HDAC9: variants seen among roughly 807,000 people sequenced by gnomAD.
The protein encoded by HDAC9 is histone deacetylase 9.
In HDAC9, 41 loss-of-function variants were observed where a neutral mutation model predicts 139.4. That is an observed-to-expected ratio of 0.29 (90% confidence interval 0.23 to 0.38). The LOEUF is 0.38. Ranked by LOEUF, HDAC9 falls within the 10% of genes least tolerant of loss-of-function variation. The pLI is 1.00. For missense variants in HDAC9, 1,147 were observed against 1,297.0 expected, an observed-to-expected ratio of 0.88 and a Z score of 1.78; for synonymous variants, 517 against 476.2, an observed-to-expected ratio of 1.09 and a Z score of -1.12.
intron 1 of HDAC9, among the ~76,000 whole-genome samples, chr7:18,476,556 C>T (rs1795125204): frequency 6.6e-6 from 1 of 151,698 alleles, no homozygotes; most frequent in East Asian, 1.9e-4. Context: ...ACCCCAAACC[C>T]AACATGACGT....
In HDAC9 at chr7:18,658,093, G is replaced by A. The variant is rs547198287; in HGVS notation, c.1468-8120G>A. Among the ~76,000 whole-genome samples the A allele has an allele frequency of 2.0e-5, 3 of 152,208 alleles. No individual in the cohort carries two copies. In the South Asian group the frequency reaches 6.2e-4, roughly 32 times the overall value. ...TCAGCTCAAACCTTACCTGTTGAGA[G>A]GGGTCTTTATTGCCCATCCAAACAA... On this transcript the variant is annotated intron_variant, in intron 11 of 25. Coordinates refer to ENST00000686413, the MANE Select transcript of HDAC9 (RefSeq NM_178425.4).
chr7:18,357,874 T>C (rs1783447282), intron 1 of HDAC9, among the ~76,000 whole-genome samples: 1 of 152,156 alleles, frequency 6.6e-6, no homozygotes, highest in Non-Finnish European at 1.5e-5. Context: ...GACTGAAAGA[T>C]CTTTGTGAGG....
chr7:18,196,243 G>C, intron 2 of HDAC9, among the ~76,000 whole-genome samples: 1 of 152,184 alleles, frequency 6.6e-6, no homozygotes, highest in Admixed American at 6.5e-5. Flanking sequence ...ACATGAGAAA[G>C]AGGGATGTAC....
At position 18,641,618 on chromosome 7, in the gene HDAC9, C is replaced by T. The variant is rs185227386; in HGVS notation, c.913-3053C>T. Among the ~76,000 whole-genome samples the T allele has an allele frequency of 8.7e-4, 132 of 152,126 alleles. 1 individual carries two copies. The highest frequency in any genetic ancestry group is 1.5e-3 in the Non-Finnish European group (104 of 67,962). Reference sequence around the variant, plus strand: ...TTCTGAAAAATTTTCAGATTAAAACCGTCATTTCCATGTTCTAAACTGCAA... The same window carrying T: ...TTCTGAAAAATTTTCAGATTAAAACTGTCATTTCCATGTTCTAAACTGCAA... On this transcript the variant is annotated intron_variant, in intron 8 of 25. Coordinates refer to ENST00000686413, the MANE Select transcript of HDAC9 (RefSeq NM_178425.4).
At chr7:18,803,195 A>C (rs1793441081) in intron 17 of HDAC9, among the ~76,000 whole-genome samples, 1 of 152,012 alleles carries the variant, frequency 6.6e-6, no homozygotes, top group African/African-American at 2.4e-5. Context: ...CTTATAACAC[A>C]TCCTAAACTT....
intron 22 of HDAC9, among the ~76,000 whole-genome samples, chr7:18,898,626 G>A (rs1347266321): frequency 6.6e-6 from 1 of 151,860 alleles, no homozygotes; most frequent in Non-Finnish European, 1.5e-5. Context: ...CTCAGAGAAA[G>A]GGTGTTTACT....
intron 6 of HDAC9, among the ~76,000 whole-genome samples, chr7:18,598,035 T>C (rs1201822949): frequency 1.3e-5 from 2 of 152,206 alleles, no homozygotes; most frequent in African/African-American, 2.4e-5. Flanking sequence ...CCTTTTGGTA[T>C]AGCAGTCAGC....
chr7:18,605,277 C>A (rs1263428408), intron 6 of HDAC9, among the ~76,000 whole-genome samples: 1 of 152,156 alleles, frequency 6.6e-6, no homozygotes, highest in South Asian at 2.1e-4. Flanking sequence ...TGTTCTATAA[C>A]CTTACAACTA....
intron 1 of HDAC9, among the ~76,000 whole-genome samples, chr7:18,115,529 T>C (rs922900419): frequency 1.3e-5 from 2 of 152,242 alleles, no homozygotes; most frequent in Non-Finnish European, 2.9e-5. Context: ...ATGTAGTAGA[T>C]TCCAGTATTG....
intron 2 of HDAC9, among the ~76,000 whole-genome samples, chr7:18,566,406 A>G (rs1465106806): frequency 6.6e-6 from 1 of 152,206 alleles, no homozygotes; most frequent in Non-Finnish European, 1.5e-5. Flanking sequence ...ATCAGAATCT[A>G]TTATGTATGG....
intron 21 of HDAC9, among the ~76,000 whole-genome samples, chr7:18,869,302 T>C (rs1207294182): frequency 6.6e-6 from 1 of 151,882 alleles, no homozygotes; most frequent in Non-Finnish European, 1.5e-5. Context: ...GGGAGGTTGA[T>C]TGGATCATGG....
intron 1 of HDAC9, among the ~76,000 whole-genome samples, chr7:18,129,115 G>A (rs377328179): frequency 3.9e-5 from 6 of 152,138 alleles, no homozygotes; most frequent in Non-Finnish European, 5.9e-5. Flanking sequence ...TTTGACTCTC[G>A]TGTCTTCCTC....
At chr7:18,986,607 G>C (rs1785377544) in intron 25 of HDAC9, among the ~76,000 whole-genome samples, 1 of 150,584 alleles carries the variant, frequency 6.6e-6, no homozygotes, top group African/African-American at 2.4e-5. Flanking sequence ...ATTCTGTGAA[G>C]AAAGTCATTG....
intron 17 of HDAC9, among the ~76,000 whole-genome samples, chr7:18,823,726 T>A (rs999587184): frequency 1.3e-5 from 2 of 152,000 alleles, no homozygotes; most frequent in African/African-American, 4.8e-5. Context: ...ACACCTGTAA[T>A]CTCAGCAATT....
chr7:18,190,902 A>G (rs1790308063), intron 2 of HDAC9, among the ~76,000 whole-genome samples: 1 of 152,176 alleles, frequency 6.6e-6, no homozygotes, highest in African/African-American at 2.4e-5. Flanking sequence ...AACATGCGGA[A>G]TATTATTTAT....
intron 1 of HDAC9, among the ~76,000 whole-genome samples, chr7:18,142,067 G>A (rs1785938483): frequency 6.6e-6 from 1 of 151,658 alleles, no homozygotes; most frequent in African/African-American, 2.4e-5. Context: ...CTAATTGAGT[G>A]ACAAGTTCTA....
intron 23 of HDAC9, among the ~76,000 whole-genome samples, chr7:18,948,718 C>G (rs73083871): frequency 9.2e-5 from 14 of 152,098 alleles, no homozygotes; most frequent in Non-Finnish European, 2.1e-4. Flanking sequence ...GGGTGGAGTT[C>G]CATCTTAGAA....
intron 2 of HDAC9, among the ~76,000 whole-genome samples, chr7:18,225,880 A>G (rs1237053926): frequency 2.0e-5 from 3 of 152,200 alleles, no homozygotes; most frequent in Admixed American, 6.5e-5. Flanking sequence ...GTAATCTTAT[A>G]AAATTTATTA....
chr7:18,753,769 A>T (rs974763071), intron 14 of HDAC9, among the ~76,000 whole-genome samples: 1 of 152,122 alleles, frequency 6.6e-6, no homozygotes, highest in African/African-American at 2.4e-5. Flanking sequence ...GCCATTAATT[A>T]TCTGTGTGCT....
Sources: allele counts gnomAD v4.1 joint callset (sites outside exome capture counted in the v4.1 genomes callset), GRCh38; gene constraint gnomAD v4.1.1; transcripts MANE v1.5; gene names NCBI Gene and HGNC (gene_info 2026-07-23, HGNC 2026-07-21).